STK32B: variants seen among roughly 807,000 people sequenced by gnomAD.
The protein encoded by STK32B is serine/threonine-protein kinase 32B.
A neutral mutation model predicts 52.6 loss-of-function variants in STK32B; 43 were observed. The ratio of observed to expected loss-of-function variants is 0.82; its 90% CI spans 0.64 to 1.05. The LOEUF (loss-of-function observed/expected upper bound fraction) is 1.05. Ranked by LOEUF, STK32B falls within the 50% of genes least tolerant of loss-of-function variation. The pLI is 0.00. For synonymous variants in STK32B, 238 were observed against 204.3 expected, an observed-to-expected ratio of 1.17 and a Z score of -1.41; for missense variants, 621 against 534.6, an observed-to-expected ratio of 1.16 and a Z score of -1.59.
At chr4:5,192,976 C>T (rs998733512) in intron 3 of STK32B, among the ~76,000 whole-genome samples, 7 of 152,198 alleles carry the variant, frequency 4.6e-5, no homozygotes, top group African/African-American at 7.2e-5. Flanking sequence ...GCCTTCGGAT[C>T]GCCTCTTCTT....
At chr4:5,253,812 A>G (rs1726114802) in intron 3 of STK32B, among the ~76,000 whole-genome samples, 1 of 152,232 alleles carries the variant, frequency 6.6e-6, no homozygotes, top group African/African-American at 2.4e-5. Context: ...AACTAAAGAG[A>G]AAAGGTTAAC....
intron 2 of STK32B, among the ~76,000 whole-genome samples, chr4:5,166,443 C>T (rs887731596): frequency 2.7e-5 from 4 of 148,850 alleles, no homozygotes; most frequent in African/African-American, 7.5e-5. Context: ...TTGGAAATGG[C>T]GTCATTTTAA....
At chr4:5,145,560 C>T (rs550939717) in intron 2 of STK32B, among the ~76,000 whole-genome samples, 3 of 152,276 alleles carry the variant, frequency 2.0e-5, no homozygotes, top group Non-Finnish European at 4.4e-5. Flanking sequence ...GTTGCCTGTT[C>T]TAAAATTTAG....
At position 5,266,929 on chromosome 4, in the gene STK32B, A is replaced by G. The variant is rs1478603429; in HGVS notation, c.261-64291A>G. 2.0e-5 allele frequency among the ~76,000 whole-genome samples: 3 copies of G among 152,128 alleles called. No homozygotes were observed. In the East Asian group the frequency reaches 5.8e-4, roughly 29 times the overall value. On this transcript the variant is annotated intron_variant, in intron 3 of 11. Transcript: ENST00000282908. ...TCTAGCATCTTTTGCTTGAACCTTG[A>G]TCATATACTTTAAAATATATTTTTG...
chr4:5,464,990 A>G (rs1001979445), intron 9 of STK32B, among the ~76,000 whole-genome samples: 1 of 152,154 alleles, frequency 6.6e-6, no homozygotes, highest in African/African-American at 2.4e-5. Flanking sequence ...GAAGGTGATC[A>G]TAGTTGAGTT....
At chr4:5,192,266 C>A (rs1721268424) in intron 3 of STK32B, among the ~76,000 whole-genome samples, 1 of 152,134 alleles carries the variant, frequency 6.6e-6, no homozygotes, top group African/African-American at 2.4e-5. Context: ...TATTGAATTC[C>A]CAGCAAGACC....
intron 1 of STK32B, among the ~76,000 whole-genome samples, chr4:5,076,575 G>T (rs1357881021): frequency 6.6e-6 from 1 of 152,026 alleles, no homozygotes; most frequent in African/African-American, 2.4e-5. Context: ...TTTCTACATT[G>T]TTTTTTCACC....
rs546862843 is a variant in STK32B at position 5,427,162 on chromosome 4, G to A, written c.562+10228G>A. Among the ~76,000 whole-genome samples, 5 of 152,262 alleles carry A rather than the reference G, an allele frequency of 3.3e-5. No individual in the cohort carries two copies. The South Asian group carries it at 1.0e-3, about 32-fold the overall frequency. On this transcript the variant is annotated intron_variant, in intron 6 of 11. Transcript: ENST00000282908. ...TCTAAATCTGTCGAGATAATCCTGT[G>A]GTTTCTCTTCTATAGTCTGTTGAAA...
chr4:5,330,331 G>C (rs909454267), intron 3 of STK32B, among the ~76,000 whole-genome samples: 1 of 152,154 alleles, frequency 6.6e-6, no homozygotes, highest in African/African-American at 2.4e-5. Context: ...TACTACAATT[G>C]TTTAACAACA....
chr4:5,019,527 T>C, the STK32B span: 1 of 1,346,718 alleles, frequency 7.4e-7, no homozygotes, highest in Non-Finnish European at 9.6e-7. Flanking sequence ...CGCCTCCACT[T>C]CCTGTGGGGC....
At chr4:5,379,498 A>T (rs903695428) in intron 4 of STK32B, among the ~76,000 whole-genome samples, 2 of 152,158 alleles carry the variant, frequency 1.3e-5, no homozygotes, top group South Asian at 4.1e-4. Flanking sequence ...AGAGAGTGCT[A>T]TGGGATGGAT....
Position 5,460,029 on chromosome 4 carries a change from C to A in STK32B, c.784-74C>A. 6.2e-7 allele frequency: 1 copy of A among 1,608,446 alleles called. No individual in the cohort carries two copies. The highest frequency in any genetic ancestry group is 8.5e-7 in the Non-Finnish European group (1 of 1,175,862). On this transcript the variant is annotated intron_variant, in intron 8 of 11. Coordinates refer to ENST00000282908, the MANE Select transcript of STK32B (RefSeq NM_018401.3). The surrounding 1 kb of genome is among the most constrained non-coding windows in gnomAD (Gnocchi z 4.8). Reference sequence around the variant, plus strand: ...CAGAGGCACATTAATTGCCCTGAGACCCCCTCCTTCAGAGTCCCCGCTAAC... The same window carrying A: ...CAGAGGCACATTAATTGCCCTGAGAACCCCTCCTTCAGAGTCCCCGCTAAC...
intron 3 of STK32B, among the ~76,000 whole-genome samples, chr4:5,266,049 G>A (rs1727036316): frequency 6.6e-6 from 1 of 152,144 alleles, no homozygotes. Flanking sequence ...TTTCCTGGAT[G>A]AAAGGGATAG....
intron 3 of STK32B, among the ~76,000 whole-genome samples, chr4:5,232,988 C>T (rs1179135324): frequency 6.6e-6 from 1 of 152,182 alleles, no homozygotes; most frequent in Non-Finnish European, 1.5e-5. Flanking sequence ...AATTGTGCAT[C>T]CTCTGTTACT....
At chr4:5,179,667 C>G (rs1720208043) in intron 3 of STK32B, among the ~76,000 whole-genome samples, 1 of 152,132 alleles carries the variant, frequency 6.6e-6, no homozygotes, top group Non-Finnish European at 1.5e-5. Flanking sequence ...AGAAAGGTCA[C>G]CAGATCATTG....
chr4:5,245,241 G>C (rs200286447), intron 3 of STK32B, among the ~76,000 whole-genome samples: 9,196 of 152,208 alleles, frequency 0.06, 413 homozygotes, highest in African/African-American at 0.13. Context: ...CTCAGGACTT[G>C]CTTTATGAAT....
intron 1 of STK32B, among the ~76,000 whole-genome samples, chr4:5,057,459 A>T (rs185055468): frequency 9.8e-4 from 149 of 152,240 alleles, no homozygotes; most frequent in Non-Finnish European, 1.6e-3. Context: ...GCATAGTGTG[A>T]CTCAGGATGT....
chr4:5,315,005 G>A (rs75470150), intron 3 of STK32B, among the ~76,000 whole-genome samples: 6 of 152,010 alleles, frequency 3.9e-5, no homozygotes, highest in Non-Finnish European at 7.4e-5. Flanking sequence ...ATTTATGCTC[G>A]GCAGAAGACT....
At chr4:5,136,837 C>T (rs992915707) in intron 1 of STK32B, among the ~76,000 whole-genome samples, 8 of 152,274 alleles carry the variant, frequency 5.3e-5, no homozygotes, top group Admixed American at 4.6e-4. Flanking sequence ...TAGTACACCC[C>T]AGGGAGATGC....
Sources: gnomAD v4.1 joint callset for allele counts (sites outside exome capture counted in the v4.1 genomes callset) on GRCh38, gnomAD v4.1.1 for gene constraint, Gnocchi (gnomAD v3.1) non-coding constraint, MANE v1.5 for transcripts, NCBI Gene and HGNC (gene_info 2026-07-23, HGNC 2026-07-21) for gene names.